UNC5A: variants seen among roughly 807,000 people sequenced by gnomAD.
The protein encoded by UNC5A is netrin receptor UNC5A.
Under a neutral mutation model 87.4 loss-of-function variants are expected in UNC5A, and 20 were observed. The observed-to-expected ratio is 0.23, with a 90% confidence interval of 0.16 to 0.33. The LOEUF (loss-of-function observed/expected upper bound fraction) is 0.33, where lower values mean the gene tolerates loss of function less well. Among genes scored for constraint, UNC5A ranks in the 10% least tolerant of loss-of-function variants. The pLI is 1.00. For missense variants in UNC5A, 844 were observed against 1,133.4 expected, an observed-to-expected ratio of 0.74 and a Z score of 3.67; for synonymous variants, 438 against 482.3, an observed-to-expected ratio of 0.91 and a Z score of 1.20.
chr5:176,855,116 C>T (rs1757634825), intron 1 of UNC5A, among the ~76,000 whole-genome samples: 1 of 152,250 alleles, frequency 6.6e-6, no homozygotes, highest in Admixed American at 6.5e-5. Flanking sequence ...GGACCCCAGG[C>T]CTCTGATGCT....
intron 1 of UNC5A, among the ~76,000 whole-genome samples, chr5:176,827,726 C>A (rs1409465164): frequency 6.6e-6 from 1 of 152,232 alleles, no homozygotes; most frequent in African/African-American, 2.4e-5. Flanking sequence ...AACTGCCAAA[C>A]TATTTTCCTT....
At chr5:176,870,604 G>C (rs1758086021) in intron 6 of UNC5A, 70 bp downstream of exon 6, 2 of 1,481,864 alleles carry the variant, frequency 1.3e-6, no homozygotes, top group African/African-American at 2.8e-5. Flanking sequence ...TGGGGAGGTG[G>C]GGGCTGAGGG....
At chr5:176,842,514 G>A (rs916435203) in intron 1 of UNC5A, among the ~76,000 whole-genome samples, 1 of 138,328 alleles carries the variant, frequency 7.2e-6, no homozygotes, top group African/African-American at 3.5e-5. Flanking sequence ...TATATATGAT[G>A]GAATACTACT....
chr5:176,874,014 C>T lies in UNC5A; in HGVS notation c.933C>T (p.Ala311=), dbSNP rs777226581. ...EDVALYVGLI[A]VAVCLVLLLL... is the part of the protein sequence containing the mutation. The stretch of plus-strand genomic sequence containing the variant: ...TGGCCCTCTATGTGGGCCTCATCGC[C>T]GTGGCCGTCTGCCTGGTCCTGCTGC... The change falls in exon 7 of 15, where the codon GCC becomes GCT. Residue 311 remains alanine, a synonymous_variant. Coordinates refer to ENST00000329542, the MANE Select transcript of UNC5A (RefSeq NM_133369.3). This position sits in a 1 kb window ranked among gnomAD's most constrained non-coding sequence, Gnocchi z 7.6. The T allele has an allele frequency of 1.2e-6, 2 of 1,613,902 alleles. No individual in the cohort carries two copies. Among genetic ancestry groups the T allele is most frequent in the African/African-American group, 1.3e-5 (1 of 74,914 alleles).
chr5:176,864,723 GT>G (rs1757929876), intron 2 of UNC5A: 1 of 404,732 alleles, frequency 2.5e-6, no homozygotes, highest in African/African-American at 2.1e-5. Context: ...GTCTTCAGGT[GT>G]TCGCTGAGCA....
intron 1 of UNC5A, among the ~76,000 whole-genome samples, chr5:176,853,207 T>C (rs1757587267): frequency 6.6e-6 from 1 of 152,122 alleles, no homozygotes; most frequent in Non-Finnish European, 1.5e-5. Flanking sequence ...GCCCCGGCCA[T>C]TTGGCTAAAG....
intron 1 of UNC5A, among the ~76,000 whole-genome samples, chr5:176,830,641 C>G (rs1195739593): frequency 1.1e-5 from 1 of 88,718 alleles, no homozygotes; most frequent in African/African-American, 5.0e-5. Flanking sequence ...TGTGCGCTGG[C>G]GTGTGCATTT....
chr5:176,813,342 C>T (rs1379158375), intron 1 of UNC5A, among the ~76,000 whole-genome samples: 1 of 152,174 alleles, frequency 6.6e-6, no homozygotes, highest in Non-Finnish European at 1.5e-5. Flanking sequence ...CCAACCTGAC[C>T]CCAACCATCT....
intron 1 of UNC5A, among the ~76,000 whole-genome samples, chr5:176,845,407 G>A (rs950818414): frequency 2.0e-5 from 3 of 152,152 alleles, no homozygotes; most frequent in Non-Finnish European, 4.4e-5. Flanking sequence ...GCTGTTCATC[G>A]GCCTGGAATG....
At chr5:176,815,198 C>T (rs1002133725) in intron 1 of UNC5A, among the ~76,000 whole-genome samples, 3 of 152,212 alleles carry the variant, frequency 2.0e-5, no homozygotes, top group East Asian at 1.9e-4. Flanking sequence ...CACGTCAAGA[C>T]GTGGGCTGCT....
At chr5:176,857,242 GA>G (rs912171230) in intron 1 of UNC5A, among the ~76,000 whole-genome samples, 1 of 152,258 alleles carries the variant, frequency 6.6e-6, no homozygotes, top group African/African-American at 2.4e-5. Context: ...CAGAGACGGG[GA>G]CTGTGTTGTC....
In UNC5A at chr5:176,874,270, C is replaced by A; in HGVS notation, c.1082C>A (p.Pro361His). Residue 361 changes from proline to histidine, a missense_variant, in exon 8 of 15, where the codon CCC becomes CAC. Physicochemically the swap from Pro to His is moderately conservative, Grantham distance 77. Around this residue, in one of 3 missense-constraint regions of UNC5A, gnomAD observed 353 missense variants for 387.5 expected, o/e 0.91. Coordinates refer to ENST00000329542, the MANE Select transcript of UNC5A (RefSeq NM_133369.3). This position sits in a 1 kb window ranked among gnomAD's most constrained non-coding sequence, Gnocchi z 7.6. ...VSIKPSKADNPHLLTIQPDLS... is the reference protein window; with the variant it reads ...VSIKPSKADNHHLLTIQPDLS... ...GTCTGTCTTTATCCTGCAGACAACCCCCATCTGCTCACCATCCAGCCGGAC... is the reference window on the plus strand; with the variant it reads ...GTCTGTCTTTATCCTGCAGACAACCACCATCTGCTCACCATCCAGCCGGAC... The A allele has an allele frequency of 6.3e-7, 1 of 1,587,324 alleles. No homozygotes were observed. The highest frequency in any genetic ancestry group is 1.2e-5 in the South Asian group (1 of 86,662).
chr5:176,812,658 T>G (rs1756487715), intron 1 of UNC5A, among the ~76,000 whole-genome samples: 1 of 152,110 alleles, frequency 6.6e-6, no homozygotes, highest in Non-Finnish European at 1.5e-5. Context: ...GCATCCCTGG[T>G]TGGCAGGGCA....
intron 1 of UNC5A, among the ~76,000 whole-genome samples, chr5:176,839,855 C>T (rs1241765781): frequency 1.5e-5 from 2 of 134,486 alleles, no homozygotes; most frequent in African/African-American, 5.6e-5. Context: ...CTCACTCTGT[C>T]GCCCAGGCTG....
chr5:176,831,790 C>A (rs1358300838), intron 1 of UNC5A, among the ~76,000 whole-genome samples: 4 of 152,158 alleles, frequency 2.6e-5, no homozygotes, highest in Non-Finnish European at 5.9e-5. Flanking sequence ...CTGCTGTACC[C>A]ACCATCTTCC....
rs1397908452 is a variant in UNC5A, at chr5:176,875,118, G to A, written c.1378+552G>A. Among the ~76,000 whole-genome samples the A allele has an allele frequency of 6.6e-6, 1 of 152,134 alleles. No homozygotes were observed. Among genetic ancestry groups the A allele is most frequent in the Non-Finnish European group, 1.5e-5 (1 of 68,018 alleles). ...CTCCTGGTTTGCTTGCCCCTCTCCAGCTGCCTGTTCCATAAATGTAGGTGT... is the reference window on the plus strand; with the variant it reads ...CTCCTGGTTTGCTTGCCCCTCTCCAACTGCCTGTTCCATAAATGTAGGTGT... On this transcript the variant is annotated intron_variant, in intron 8 of 14. Transcript: ENST00000329542. This position sits in a 1 kb window ranked among gnomAD's most constrained non-coding sequence, Gnocchi z 5.2.
At chr5:176,878,677 C>G (rs478253) in intron 13 of UNC5A, 38 bp downstream of exon 13, 1 of 1,582,072 alleles carries the variant, frequency 6.3e-7, no homozygotes, top group Non-Finnish European at 8.6e-7. Context: ...GTGACGTGCT[C>G]CCACTACCAA....
At chr5:176,858,863 G>A (rs1757744624) in intron 1 of UNC5A, among the ~76,000 whole-genome samples, 1 of 152,078 alleles carries the variant, frequency 6.6e-6, no homozygotes, top group African/African-American at 2.4e-5. Flanking sequence ...CAGTGGGGGA[G>A]GCGAGAGGCT....
intron 1 of UNC5A, among the ~76,000 whole-genome samples, chr5:176,859,719 G>GGC (rs1430915006): frequency 1.1e-5 from 1 of 92,370 alleles, no homozygotes; most frequent in Admixed American, 9.8e-5. Context: ...CTTGCTAGAG[G>GGC]GCATAGCTGC....
Sources: allele counts gnomAD v4.1 joint callset (sites outside exome capture counted in the v4.1 genomes callset), GRCh38; gene constraint gnomAD v4.1.1; regional missense constraint gnomAD v4.1.1; non-coding constraint Gnocchi (gnomAD v3.1); transcripts MANE v1.5; gene names NCBI Gene and HGNC (gene_info 2026-07-23, HGNC 2026-07-21).